The following RNLS variants were observed in gnomAD, a reference collection of about 807,000 sequenced individuals.
RNLS encodes renalase, FAD dependent amine oxidase, also known as renalase.
A neutral mutation model predicts 39.8 loss-of-function variants in RNLS; 39 were observed. The ratio of observed to expected loss-of-function variants is 0.98; its 90% CI spans 0.76 to 1.28. RNLS has a LOEUF of 1.28. Among genes scored for constraint, RNLS ranks in the 50% most tolerant of loss-of-function variants. RNLS has a pLI of 0.00. For missense variants in RNLS, 410 were observed against 413.3 expected, an observed-to-expected ratio of 0.99 and a Z score of 0.07; for synonymous variants, 147 against 150.7, an observed-to-expected ratio of 0.98 and a Z score of 0.18.
intron 4 of RNLS, among the ~76,000 whole-genome samples, chr10:88,555,372 T>C (rs1208350713): frequency 6.6e-6 from 1 of 152,072 alleles, no homozygotes; most frequent in Non-Finnish European, 1.5e-5. Context: ...GTGTTGAAGG[T>C]GGGCCTAGTG....
chr10:88,217,043 G>T, the RNLS span, among the ~76,000 whole-genome samples: 1 of 152,090 alleles, frequency 6.6e-6, no homozygotes, highest in Non-Finnish European at 1.5e-5. Context: ...GGGGTGAGGG[G>T]TGGGATGGGA....
At chr10:88,177,549 T>C in the RNLS span, among the ~76,000 whole-genome samples, 39 of 152,336 alleles carry the variant, frequency 2.6e-4, no homozygotes, top group African/African-American at 8.7e-4. Flanking sequence ...CTTAAGATCA[T>C]TGTGTTTCAT....
chr10:88,559,880 C>T (rs140425150), intron 4 of RNLS, among the ~76,000 whole-genome samples: 89 of 151,132 alleles, frequency 5.9e-4, no homozygotes, highest in Non-Finnish European at 1.1e-3. Context: ...CCGAAAACTA[C>T]GAGCACATGT....
intron 4 of RNLS, among the ~76,000 whole-genome samples, chr10:88,516,257 T>C (rs186329414): frequency 6.6e-6 from 1 of 152,208 alleles, no homozygotes; most frequent in East Asian, 1.9e-4. Flanking sequence ...TAAGGAAATA[T>C]CTAAATCTGG....
chr10:88,313,902 T>C (rs933774122), intron 6 of RNLS, among the ~76,000 whole-genome samples: 1 of 152,204 alleles, frequency 6.6e-6, no homozygotes, highest in East Asian at 1.9e-4. Context: ...AGCTTTAAGT[T>C]TGAACTAGTA....
intron 6 of RNLS, among the ~76,000 whole-genome samples, chr10:88,310,136 G>A (rs374265038): frequency 1.9e-4 from 29 of 152,212 alleles, no homozygotes; most frequent in African/African-American, 6.3e-4. Flanking sequence ...TGCTTGAGCC[G>A]GGGAAGTCGA....
At chr10:88,451,291 G>A (rs945155065) in intron 4 of RNLS, among the ~76,000 whole-genome samples, 3 of 152,176 alleles carry the variant, frequency 2.0e-5, no homozygotes, top group Non-Finnish European at 2.9e-5. Flanking sequence ...GAGATAGAGG[G>A]AGTTTTATTC....
At chr10:88,325,197 C>T (rs1846505359) in intron 5 of RNLS, among the ~76,000 whole-genome samples, 1 of 152,164 alleles carries the variant, frequency 6.6e-6, no homozygotes, top group African/African-American at 2.4e-5. Context: ...GGAAATCTAT[C>T]TTTAATTTTT....
the RNLS span, among the ~76,000 whole-genome samples, chr10:88,182,168 A>G: frequency 6.6e-6 from 1 of 152,124 alleles, no homozygotes; most frequent in Non-Finnish European, 1.5e-5. Context: ...TATGAGCCTC[A>G]AGGGTAGCTT....
chr10:88,480,463 C>T (rs187152147), intron 4 of RNLS, among the ~76,000 whole-genome samples: 14 of 152,368 alleles, frequency 9.2e-5, no homozygotes, highest in African/African-American at 3.1e-4. Context: ...CTCTTGTTGC[C>T]TAGGCGGGAG....
At chr10:88,277,177 G>C (rs1842839744) in intron 6 of RNLS, among the ~76,000 whole-genome samples, 1 of 152,148 alleles carries the variant, frequency 6.6e-6, no homozygotes, top group Non-Finnish European at 1.5e-5. Context: ...TCCTTTGCAG[G>C]GACATGGATG....
At chr10:88,335,166 A>T (rs1847388897) in intron 5 of RNLS, among the ~76,000 whole-genome samples, 1 of 151,894 alleles carries the variant, frequency 6.6e-6, no homozygotes, top group Non-Finnish European at 1.5e-5. Flanking sequence ...AATAAAGAAT[A>T]CATTGTATAC....
the RNLS span, among the ~76,000 whole-genome samples, chr10:88,267,862 G>A: frequency 1.3e-5 from 2 of 152,156 alleles, no homozygotes; most frequent in Non-Finnish European, 2.9e-5. Context: ...GGTCTCAGAG[G>A]CCACAGAAGG....
chr10:88,226,749 T>C, the RNLS span, among the ~76,000 whole-genome samples: 1 of 146,288 alleles, frequency 6.8e-6, no homozygotes, highest in African/African-American at 2.5e-5. Context: ...TTTTTTTTTT[T>C]TTTTTTTTTT....
intron 5 of RNLS, among the ~76,000 whole-genome samples, chr10:88,338,332 C>T (rs879626052): frequency 1.3e-5 from 2 of 152,190 alleles, no homozygotes; most frequent in Non-Finnish European, 2.9e-5. Flanking sequence ...TTAAATACAA[C>T]GGACTATTTT....
At chr10:88,564,541 A>G (rs1849386160) in intron 4 of RNLS, among the ~76,000 whole-genome samples, 1 of 152,152 alleles carries the variant, frequency 6.6e-6, no homozygotes, top group Non-Finnish European at 1.5e-5. Flanking sequence ...ATTTCTGTGC[A>G]TGGTAGAGAG....
At chr10:88,493,350 T>C (rs1797956693) in intron 4 of RNLS, among the ~76,000 whole-genome samples, 1 of 152,104 alleles carries the variant, frequency 6.6e-6, no homozygotes, top group Non-Finnish European at 1.5e-5. Flanking sequence ...ATAATCTTGT[T>C]TTTCCCCATC....
At chr10:88,181,584 G>T in the RNLS span, among the ~76,000 whole-genome samples, 2 of 152,086 alleles carry the variant, frequency 1.3e-5, no homozygotes, top group East Asian at 1.9e-4. Context: ...CATGAACATC[G>T]TTGTAGCTAA....
At chr10:88,218,161 G>A in the RNLS span, among the ~76,000 whole-genome samples, 151 of 152,348 alleles carry the variant, frequency 9.9e-4, no homozygotes, top group East Asian at 2.7e-3. Context: ...ATGGGTGCCC[G>A]CGCACTATGG....
Sources: gnomAD v4.1 joint callset for allele counts (sites outside exome capture counted in the v4.1 genomes callset) on GRCh38, gnomAD v4.1.1 for gene constraint, MANE v1.5 for transcripts, NCBI Gene and HGNC (gene_info 2026-07-23, HGNC 2026-07-21) for gene names.